Variants in RAB23 observed in about 807,000 individuals in gnomAD.
RAB23 encodes the protein RAB23, member RAS oncogene family.
Under a neutral mutation model 30.0 loss-of-function variants are expected in RAB23, and 15 were observed. The observed-to-expected ratio is 0.50, with a 90% CI of 0.33 to 0.77. The LOEUF is 0.77. RAB23 is among the 30% of genes least tolerant of loss of function. The probability of loss-of-function intolerance (pLI) is 0.02; values close to 1 mark genes in which losing one functional copy is unlikely to be tolerated. For missense variants in RAB23, 243 were observed against 275.4 expected, an observed-to-expected ratio of 0.88 and a Z score of 0.83; for synonymous variants, 93 against 94.0, an observed-to-expected ratio of 0.99 and a Z score of 0.06.
intron 5 of RAB23, 114 bp downstream of exon 5, chr6:57,194,656 T>C (rs1004715322): frequency 2.7e-6 from 2 of 737,462 alleles, no homozygotes; most frequent in East Asian, 5.5e-5. Flanking sequence ...TACTTAATGT[T>C]AGGTGACAAA....
At chr6:57,203,476 T>C (rs1333400080) in intron 3 of RAB23, among the ~76,000 whole-genome samples, 2 of 152,242 alleles carry the variant, frequency 1.3e-5, no homozygotes, top group Non-Finnish European at 2.9e-5. Context: ...GCAGAGAATT[T>C]AGAAGACCAA....
At chr6:57,221,128 C>T (rs1316578397) in intron 1 of RAB23, among the ~76,000 whole-genome samples, 1 of 152,152 alleles carries the variant, frequency 6.6e-6, no homozygotes, top group Non-Finnish European at 1.5e-5. Flanking sequence ...ACTCACTAAT[C>T]AAAAGGTTGT....
intron 6 of RAB23, among the ~76,000 whole-genome samples, chr6:57,193,506 A>C (rs1211523801): frequency 6.6e-6 from 1 of 152,236 alleles, no homozygotes; most frequent in East Asian, 1.9e-4. Context: ...AGTAATGGGT[A>C]ATAAGCAAGA....
chr6:57,203,230 T>C (rs1765335100), intron 3 of RAB23, among the ~76,000 whole-genome samples: 1 of 152,182 alleles, frequency 6.6e-6, no homozygotes, highest in South Asian at 2.1e-4. Flanking sequence ...GGTCTCGAAC[T>C]CCTGACCTCA....
Position 57,187,688 on chromosome 6 carries a change from T to TAA in RAB23, c.*2771_*2772dup. On this transcript the variant is annotated 3_prime_UTR_variant, in exon 7 of 7. Coordinates refer to ENST00000468148, the MANE Select transcript of RAB23 (RefSeq NM_016277.5). ...AGGTCCTAAGGCCAACTCCCTATTC[T>TAA]AAGGTCTTCAGAAAAGGTCCAGTTT... 6.6e-6 allele frequency: 1 copy of TAA among 152,300 alleles called. No homozygotes were observed. Among genetic ancestry groups the TAA allele is most frequent in the South Asian group, 2.1e-4 (1 of 4,818 alleles). The allele number at this position is 152,300 out of a possible 1,614,324, so 9.4% of individuals were successfully genotyped here. A position where few individuals can be genotyped will look rare whatever the true frequency, so the allele number is the denominator to read the frequency against.
At chr6:57,217,630 C>CT (rs1216634191) in intron 1 of RAB23, among the ~76,000 whole-genome samples, 1 of 151,918 alleles carries the variant, frequency 6.6e-6, no homozygotes, top group Non-Finnish European at 1.5e-5. Flanking sequence ...ATTTAGAGCG[C>CT]TAAATGCTTA....
chr6:57,193,541 G>C (rs1295928914), intron 6 of RAB23, among the ~76,000 whole-genome samples: 2 of 152,118 alleles, frequency 1.3e-5, no homozygotes, highest in African/African-American at 4.8e-5. Flanking sequence ...AAAGGTAAGA[G>C]CCAGTGTAAG....
intron 5 of RAB23, among the ~76,000 whole-genome samples, chr6:57,194,422 A>T (rs992819283): frequency 2.6e-5 from 4 of 152,126 alleles, no homozygotes; most frequent in African/African-American, 7.2e-5. Flanking sequence ...ACTATTAAAT[A>T]AACTAACTAC....
chr6:57,189,272 A>C lies in RAB23; in HGVS notation c.*1189T>G, dbSNP rs1764738378. The C allele has an allele frequency of 6.6e-6, 1 of 152,206 alleles. No homozygotes were observed. The highest frequency in any genetic ancestry group is 1.5e-5 in the Non-Finnish European group (1 of 68,026). The allele number at this position is 152,206 out of a possible 1,614,324, so 9.4% of individuals were successfully genotyped here. ...ACAAACAAGGTTATAGAAATGTTGA[A>C]GTGATTGATAATCTTAAAATACCAT... is the stretch of plus-strand genomic sequence containing the variant. On this transcript the variant is annotated 3_prime_UTR_variant, in exon 7 of 7. Coordinates refer to ENST00000468148, the MANE Select transcript of RAB23 (RefSeq NM_016277.5).
chr6:57,219,804 G>T (rs1433449828), intron 1 of RAB23, among the ~76,000 whole-genome samples: 2 of 152,100 alleles, frequency 1.3e-5, no homozygotes, highest in Non-Finnish European at 2.9e-5. Flanking sequence ...AACTCAAATG[G>T]ATCACAGATC....
At chr6:57,217,400 C>G (rs953063661) in intron 1 of RAB23, among the ~76,000 whole-genome samples, 2 of 152,156 alleles carry the variant, frequency 1.3e-5, no homozygotes, top group Non-Finnish European at 1.5e-5. Context: ...CAACCTCCCC[C>G]TCCCATGTTC....
intron 3 of RAB23, among the ~76,000 whole-genome samples, chr6:57,196,854 A>G (rs778191763): frequency 1.3e-5 from 2 of 152,054 alleles, no homozygotes; most frequent in Non-Finnish European, 2.9e-5. Context: ...TTCTATTTTC[A>G]TTTTTACCAA....
chr6:57,193,773 A>G, intron 6 of RAB23, 69 bp downstream of exon 6: 2 of 1,558,798 alleles, frequency 1.3e-6, no homozygotes, highest in Middle Eastern at 1.8e-4. Flanking sequence ...TTCTGAAAGA[A>G]ATGAGCATAT....
intron 1 of RAB23, chr6:57,221,520 C>T (rs944230307): frequency 1.4e-4 from 21 of 152,740 alleles, no homozygotes; most frequent in Admixed American, 9.1e-4. Context: ...AGTCTAAATG[C>T]CAGGGTGGAG....
Position 57,193,811 on chromosome 6 carries a change from A to G in RAB23, c.574+31T>C, listed in dbSNP as rs1764924799. On this transcript the variant is annotated intron_variant, in intron 6 of 6. Coordinates refer to ENST00000468148, the MANE Select transcript of RAB23 (RefSeq NM_016277.5). The stretch of plus-strand genomic sequence containing the variant: ...TATGTGTTTTTTAACTTTACCAAGT[A>G]AACATGGGCTAAAATTTCCTATGTA... The G allele has an allele frequency of 3.7e-6, 6 of 1,609,012 alleles. No homozygotes were observed. In the Middle Eastern group the frequency reaches 5.0e-4, roughly 133 times the overall value.
chr6:57,220,255 T>C (rs1342375366), intron 1 of RAB23, among the ~76,000 whole-genome samples: 1 of 152,164 alleles, frequency 6.6e-6, no homozygotes, highest in Non-Finnish European at 1.5e-5. Context: ...ACTGACACTA[T>C]CAAATGCTGG....
At chr6:57,216,594 G>A (rs1026876034) in intron 1 of RAB23, among the ~76,000 whole-genome samples, 2 of 152,186 alleles carry the variant, frequency 1.3e-5, no homozygotes, top group African/African-American at 4.8e-5. Flanking sequence ...ATTCAAGGGT[G>A]AGCCGACAGA....
intron 1 of RAB23, among the ~76,000 whole-genome samples, chr6:57,217,856 C>T (rs1156952415): frequency 6.6e-6 from 1 of 151,884 alleles, no homozygotes; most frequent in Non-Finnish European, 1.5e-5. Context: ...GAGACTAACA[C>T]AAAAAAGAGA....
intron 1 of RAB23, among the ~76,000 whole-genome samples, chr6:57,213,378 G>A (rs1012356040): frequency 6.6e-6 from 1 of 152,138 alleles, no homozygotes; most frequent in Non-Finnish European, 1.5e-5. Flanking sequence ...TACACAAGAT[G>A]TAGTCTTTAG....
Sources: allele counts gnomAD v4.1 joint callset (sites outside exome capture counted in the v4.1 genomes callset), GRCh38; gene constraint gnomAD v4.1.1; transcripts MANE v1.5; gene names NCBI Gene and HGNC (gene_info 2026-07-23, HGNC 2026-07-21).